The following MYO3A variants were observed in gnomAD, a reference collection of about 807,000 sequenced individuals.
MYO3A encodes myosin IIIA, also known as myosin-IIIa.
MYO3A carries 180 observed loss-of-function variants against 192.7 expected under a neutral mutation model. The observed-to-expected ratio is 0.93, with a 90% CI of 0.83 to 1.06. The LOEUF is 1.06. MYO3A is among the 50% of genes least tolerant of loss of function. MYO3A has a pLI of 0.00. For missense variants in MYO3A, 1,896 were observed against 1,905.0 expected (o/e 1.00, Z 0.09); for synonymous variants, 628 against 645.3 (o/e 0.97, Z 0.41).
At chr10:26,203,225 C>T in intron 34 of MYO3A, 118 bp downstream of exon 34, 1 of 1,127,594 alleles carries the variant, frequency 8.9e-7, no homozygotes, top group African/African-American at 1.5e-5. Context: ...AATATTGCAT[C>T]TTTGGAGTGA....
At chr10:26,005,278 C>T (rs1356000811) in intron 6 of MYO3A, among the ~76,000 whole-genome samples, 1 of 152,034 alleles carries the variant, frequency 6.6e-6, no homozygotes, top group Admixed American at 6.6e-5. Flanking sequence ...AACCCAAATT[C>T]AGGAACAGTC....
At chr10:26,037,318 G>A (rs752054316) in intron 10 of MYO3A, among the ~76,000 whole-genome samples, 9 of 152,288 alleles carry the variant, frequency 5.9e-5, no homozygotes, top group Non-Finnish European at 1.0e-4. Flanking sequence ...GAATTGAAGA[G>A]TTTGGGTTGA....
intron 10 of MYO3A, among the ~76,000 whole-genome samples, chr10:26,049,347 G>A (rs968374209): frequency 6.6e-6 from 1 of 152,168 alleles, no homozygotes; most frequent in Non-Finnish European, 1.5e-5. Context: ...GACAAGGTGA[G>A]GAAGGAGAAA....
At chr10:26,083,140 G>T (rs914638413) in intron 14 of MYO3A, among the ~76,000 whole-genome samples, 1 of 152,106 alleles carries the variant, frequency 6.6e-6, no homozygotes, top group East Asian at 1.9e-4. Flanking sequence ...TTGTCAGCAT[G>T]ACTACTCTTG....
intron 10 of MYO3A, among the ~76,000 whole-genome samples, chr10:26,060,536 T>C (rs1834401073): frequency 7.2e-6 from 1 of 138,696 alleles, no homozygotes; most frequent in Non-Finnish European, 1.6e-5. Flanking sequence ...CTTCCAAAAT[T>C]CACAGCTCTC....
rs1004124751 is a variant in MYO3A, at chr10:26,080,501, A to G, written c.1360-7702A>G. Reference sequence around the variant, plus strand: ...TGTTCCCTCCCTGATTAGCTTAATAACTAACCTCTTGAATTCTTTCTCAGG... The same window carrying G: ...TGTTCCCTCCCTGATTAGCTTAATAGCTAACCTCTTGAATTCTTTCTCAGG... On this transcript the variant is annotated intron_variant, in intron 14 of 34. Coordinates refer to ENST00000642920, the MANE Select transcript of MYO3A (RefSeq NM_017433.5). Among the ~76,000 whole-genome samples, 4 of 146,258 alleles carry G rather than the reference A, an allele frequency of 2.7e-5. No homozygotes were observed. The Admixed American group carries it at 2.8e-4, about 10-fold the overall frequency.
chr10:26,169,018 C>A, intron 28 of MYO3A, 144 bp downstream of exon 28: 1 of 759,170 alleles, frequency 1.3e-6, no homozygotes, highest in Non-Finnish European at 2.1e-6. Flanking sequence ...AAATCTAAGT[C>A]AAATTGTTTT....
chr10:25,957,020 T>C (rs572861570), intron 4 of MYO3A, among the ~76,000 whole-genome samples: 4 of 152,330 alleles, frequency 2.6e-5, no homozygotes, highest in Admixed American at 2.0e-4. Flanking sequence ...CTAAGGATAA[T>C]AGCCTCTGGC....
intron 6 of MYO3A, among the ~76,000 whole-genome samples, chr10:26,002,179 G>C (rs1840870310): frequency 6.6e-6 from 1 of 152,184 alleles, no homozygotes; most frequent in African/African-American, 2.4e-5. Context: ...GTGTATCTAA[G>C]AGTAGATTCT....
At chr10:26,060,310 A>C (rs1304599630) in intron 10 of MYO3A, among the ~76,000 whole-genome samples, 1 of 151,500 alleles carries the variant, frequency 6.6e-6, no homozygotes, top group African/African-American at 2.4e-5. Context: ...AATTTAAAAA[A>C]TACAAAAATT....
At chr10:25,936,538 C>G (rs1836077977) in intron 2 of MYO3A, among the ~76,000 whole-genome samples, 1 of 152,112 alleles carries the variant, frequency 6.6e-6, no homozygotes, top group Non-Finnish European at 1.5e-5. Flanking sequence ...AAACTCCCTC[C>G]CCCTAGTAAT....
intron 29 of MYO3A, among the ~76,000 whole-genome samples, chr10:26,172,536 T>C (rs1022220348): frequency 1.3e-5 from 2 of 152,198 alleles, no homozygotes; most frequent in African/African-American, 4.8e-5. Flanking sequence ...ATTTAAAGGA[T>C]CAAAACTAAC....
intron 31 of MYO3A, among the ~76,000 whole-genome samples, chr10:26,188,227 T>C (rs1214930017): frequency 6.6e-6 from 1 of 152,256 alleles, no homozygotes; most frequent in Non-Finnish European, 1.5e-5. Context: ...TTGATTTGCA[T>C]TTCTCTGATG....
intron 17 of MYO3A, among the ~76,000 whole-genome samples, chr10:26,107,102 G>A (rs1298536651): frequency 6.6e-6 from 1 of 151,954 alleles, no homozygotes; most frequent in African/African-American, 2.4e-5. Flanking sequence ...ATTTCTGGGA[G>A]AGATCTAGTA....
chr10:26,094,351 C>A (rs1471507488), intron 15 of MYO3A, among the ~76,000 whole-genome samples: 1 of 150,448 alleles, frequency 6.6e-6, no homozygotes, highest in Admixed American at 6.6e-5. Context: ...AGAGTAAATA[C>A]ATATGGATAT....
intron 10 of MYO3A, among the ~76,000 whole-genome samples, chr10:26,065,517 G>A (rs1387781822): frequency 2.7e-5 from 4 of 149,828 alleles, no homozygotes; most frequent in South Asian, 2.1e-4. Flanking sequence ...CCTGGGAGGC[G>A]GAGGTTGCAG....
chr10:26,209,094 C>G (rs1171266548), intron 34 of MYO3A, among the ~76,000 whole-genome samples: 1 of 152,206 alleles, frequency 6.6e-6, no homozygotes, highest in Non-Finnish European at 1.5e-5. Flanking sequence ...CAGCTGACAA[C>G]CTTCTTTTAT....
At chr10:26,094,464 G>A (rs1182784251) in intron 15 of MYO3A, among the ~76,000 whole-genome samples, 2 of 110,802 alleles carry the variant, frequency 1.8e-5, no homozygotes, top group Non-Finnish European at 3.3e-5. Flanking sequence ...TCGCTCTGTT[G>A]CCCAGGCTGG....
At chr10:25,938,873 C>T (rs1206226406) in intron 2 of MYO3A, among the ~76,000 whole-genome samples, 5 of 151,996 alleles carry the variant, frequency 3.3e-5, no homozygotes, top group African/African-American at 9.7e-5. Context: ...AAAACATGCC[C>T]GTGTTCACTT....
Sources: allele counts gnomAD v4.1 joint callset (sites outside exome capture counted in the v4.1 genomes callset), GRCh38; gene constraint gnomAD v4.1.1; transcripts MANE v1.5; gene names NCBI Gene and HGNC (gene_info 2026-07-23, HGNC 2026-07-21).